Variants in DPP8 observed in about 807,000 individuals in gnomAD.
DPP8 encodes the protein dipeptidyl peptidase 8, also known as DPP VIII.
Under a neutral mutation model 107.5 loss-of-function variants are expected in DPP8, and 31 were observed. The ratio of observed to expected loss-of-function variants is 0.29; its 90% CI spans 0.22 to 0.39. The LOEUF is 0.39. Among genes scored for constraint, DPP8 ranks in the 10% least tolerant of loss-of-function variants. The pLI is 1.00. For missense variants in DPP8, 842 were observed against 1,076.1 expected, an observed-to-expected ratio of 0.78 and a Z score of 3.04; for synonymous variants, 381 against 356.6, an observed-to-expected ratio of 1.07 and a Z score of -0.77.
chr15:65,472,036 T>G (rs1029798306), intron 12 of DPP8, among the ~76,000 whole-genome samples: 8 of 152,188 alleles, frequency 5.3e-5, no homozygotes, highest in Non-Finnish European at 2.9e-5. Flanking sequence ...AATGTGATCA[T>G]CCAAGTGACA....
rs1253451736 is a variant in DPP8, at chr15:65,517,619, C to G, written c.-145G>C. On this transcript the variant is annotated 5_prime_UTR_variant, in exon 1 of 20. Coordinates refer to ENST00000300141, the MANE Select transcript of DPP8 (RefSeq NM_130434.5). ...GCGGCGGCGCCGGTGACAACCCAGG[C>G]GGCGAACGCGGCACTAAGAAGCAGC... The G allele has an allele frequency of 6.6e-6, 1 of 152,656 alleles. No homozygotes were observed. The highest frequency in any genetic ancestry group is 1.5e-5 in the Non-Finnish European group (1 of 68,390). 9.5% of individuals were successfully genotyped at this position (152,656 alleles called of 1,614,324 possible).
In DPP8 at chr15:65,485,107, C is replaced by T. The variant is rs1156324666; in HGVS notation, c.1009G>A (p.Glu337Lys). The T allele has an allele frequency of 1.9e-6, 3 of 1,609,354 alleles. No homozygotes were observed. Among genetic ancestry groups the T allele is most frequent in the Non-Finnish European group, 2.6e-6 (3 of 1,175,662 alleles). ...CAGCATTTTATACTTACCCTTCCTT[C>T]AGCATCAATCATTATTTCTGACATC... is the stretch of plus-strand genomic sequence containing the variant. ...FKMSEIMIDA[E>K]GRIIDVIDKE... Residue 337 changes from glutamate to lysine, a missense_variant, in exon 8 of 20, where the codon GAA becomes AAA. By Grantham distance (56) the Glu-to-Lys change is moderately conservative. Coordinates refer to ENST00000300141, the MANE Select transcript of DPP8 (RefSeq NM_130434.5).
chr15:65,492,690 GGC>G (rs1420720156), intron 5 of DPP8, among the ~76,000 whole-genome samples: 1 of 151,888 alleles, frequency 6.6e-6, no homozygotes, highest in Non-Finnish European at 1.5e-5. Flanking sequence ...TCATCTCCTG[GGC>G]TCAAGCAATC....
At chr15:65,512,685 C>G in intron 1 of DPP8, 121 bp from the exon 2 acceptor site, 1 of 950,348 alleles carries the variant, frequency 1.1e-6, no homozygotes, top group Non-Finnish European at 1.6e-6. Flanking sequence ...TGCTTTTTAG[C>G]ACAGCTGCAA....
At chr15:65,505,024 A>G (rs1383411840) in intron 3 of DPP8, among the ~76,000 whole-genome samples, 4 of 151,994 alleles carry the variant, frequency 2.6e-5, no homozygotes, top group African/African-American at 7.3e-5. Flanking sequence ...ACATACTGAT[A>G]TATTTCAGGA....
chr15:65,488,394 T>C (rs1009232140), intron 6 of DPP8, among the ~76,000 whole-genome samples: 4 of 151,664 alleles, frequency 2.6e-5, no homozygotes, highest in African/African-American at 9.7e-5. Flanking sequence ...TTTTTTAAAA[T>C]ACAACACACA....
intron 6 of DPP8, among the ~76,000 whole-genome samples, chr15:65,489,438 G>C (rs2067783194): frequency 9.0e-6 from 1 of 111,084 alleles, no homozygotes; most frequent in Non-Finnish European, 1.8e-5. Context: ...TTTTGAGACA[G>C]AGTCTCGCTG....
intron 19 of DPP8, among the ~76,000 whole-genome samples, chr15:65,448,870 A>ATATATATGTG (rs1567125150): frequency 3.2e-4 from 2 of 6,344 alleles, no homozygotes; most frequent in South Asian, 5.4e-3. Flanking sequence ...TCTAAAATAT[A>ATATATATGTG]TATATATATA....
chr15:65,465,970 A>G (rs752308066), intron 14 of DPP8, among the ~76,000 whole-genome samples: 9 of 152,182 alleles, frequency 5.9e-5, no homozygotes, highest in Non-Finnish European at 4.4e-5. Context: ...AAGTGCTTCA[A>G]AAGTTTAAGA....
At chr15:65,459,058 G>C (rs1377318740) in intron 15 of DPP8, 1 of 150,796 alleles carries the variant, frequency 6.6e-6, no homozygotes, top group Non-Finnish European at 1.5e-5. Flanking sequence ...AAAAAGGCGG[G>C]GGGGGTCTTG....
intron 16 of DPP8, 64 bp from the exon 17 acceptor site, chr15:65,454,479 AAAG>A: frequency 1.4e-6 from 2 of 1,400,132 alleles, no homozygotes; most frequent in Non-Finnish European, 1.9e-6. Flanking sequence ...GAGTGCTTTC[AAAG>A]ATGATAAATG....
intron 11 of DPP8, among the ~76,000 whole-genome samples, chr15:65,477,011 G>T (rs2066450254): frequency 6.6e-6 from 1 of 152,150 alleles, no homozygotes; most frequent in Non-Finnish European, 1.5e-5. Context: ...GAGACAAAGT[G>T]GCTGCCAGAG....
chr15:65,449,103 G>A (rs1277654408), intron 19 of DPP8, among the ~76,000 whole-genome samples: 4 of 144,220 alleles, frequency 2.8e-5, no homozygotes, highest in Non-Finnish European at 4.6e-5. Flanking sequence ...CCAGCTACTC[G>A]GGAGGCTGAG....
intron 1 of DPP8, among the ~76,000 whole-genome samples, chr15:65,514,216 C>A (rs1160206823): frequency 1.3e-5 from 2 of 152,186 alleles, no homozygotes; most frequent in African/African-American, 4.8e-5. Flanking sequence ...ACCTATGTTA[C>A]CATTTTCAAT....
rs1160065000 is a variant in DPP8 at position 65,466,821 on chromosome 15, A to G, written c.1690-8T>C. 6.2e-7 allele frequency: 1 copy of G among 1,604,996 alleles called. No homozygotes were observed. The highest frequency in any genetic ancestry group is 2.2e-5 in the East Asian group (1 of 44,828). On this transcript the variant is annotated splice_polypyrimidine_tract_variant and splice_region_variant and intron_variant, in intron 13 of 19. Coordinates refer to ENST00000300141, the MANE Select transcript of DPP8 (RefSeq NM_130434.5). ...TATAAAGAAGTCACAGTGCTAGAGA[A>G]AGGAGAAACAATTATATTTTTCGTC...
At chr15:65,467,693 C>T (rs2065483801) in intron 12 of DPP8, among the ~76,000 whole-genome samples, 1 of 152,122 alleles carries the variant, frequency 6.6e-6, no homozygotes, top group African/African-American at 2.4e-5. Context: ...TGACTTATAG[C>T]TAAGAACAGG....
chr15:65,468,777 C>T (rs752891543), intron 12 of DPP8, among the ~76,000 whole-genome samples: 16 of 152,122 alleles, frequency 1.1e-4, no homozygotes, highest in Non-Finnish European at 2.4e-4. Context: ...TTTGACCTAG[C>T]GGATGGGAGT....
chr15:65,508,594 T>C (rs902347198), intron 2 of DPP8, among the ~76,000 whole-genome samples: 1 of 152,184 alleles, frequency 6.6e-6, no homozygotes, highest in Non-Finnish European at 1.5e-5. Context: ...GGCTCACACC[T>C]GTAATCCCAG....
In DPP8 at chr15:65,451,075, T is replaced by G; in HGVS notation, c.2450A>C (p.Asp817Ala). ...NRLLLLHGFLDENVHFAHTSI... is the reference protein window; with the variant it reads ...NRLLLLHGFLAENVHFAHTSI... ...GGTATGTGCAAAATGGACATTCTCA[T>G]CCAGGAAACCATGTAAGAGCAGTAA... The change falls in exon 19 of 20, where the codon GAT (aspartate) becomes GCT (alanine). Residue 817 changes from aspartate to alanine, a missense_variant. Physicochemically the swap from Asp to Ala is moderately radical, Grantham distance 126. Around this residue, in one of 2 missense-constraint regions of DPP8, gnomAD observed 179 missense variants for 318.0 expected, o/e 0.56. Transcript: ENST00000300141. 2 of 1,613,150 alleles carry G rather than the reference T, an allele frequency of 1.2e-6. No homozygotes were observed. Among genetic ancestry groups the G allele is most frequent in the Non-Finnish European group, 1.7e-6 (2 of 1,179,488 alleles).
Sources: allele counts gnomAD v4.1 joint callset (sites outside exome capture counted in the v4.1 genomes callset), GRCh38; gene constraint gnomAD v4.1.1; regional missense constraint gnomAD v4.1.1; transcripts MANE v1.5; gene names NCBI Gene and HGNC (gene_info 2026-07-23, HGNC 2026-07-21).